EIPR1: variants seen among roughly 807,000 people sequenced by gnomAD.
The protein encoded by EIPR1 is EARP complex and GARP complex interacting protein 1.
In EIPR1, 25 loss-of-function variants were observed where a neutral mutation model predicts 48.1. That is an observed-to-expected ratio of 0.52 (90% CI 0.38 to 0.73). The LOEUF (loss-of-function observed/expected upper bound fraction) is 0.73, where lower values mean the gene tolerates loss of function less well. EIPR1 is among the 30% of genes least tolerant of loss of function. The probability of loss-of-function intolerance (pLI) is 0.00; values close to 1 mark genes in which losing one functional copy is unlikely to be tolerated. For synonymous variants in EIPR1, 204 were observed against 201.9 expected, an observed-to-expected ratio of 1.01 and a Z score of -0.09; for missense variants, 415 against 506.2, an observed-to-expected ratio of 0.82 and a Z score of 1.73.
At chr2:3,295,424 C>T (rs1572407639) in intron 3 of EIPR1, among the ~76,000 whole-genome samples, 1 of 130,978 alleles carries the variant, frequency 7.6e-6, no homozygotes, top group Non-Finnish European at 1.6e-5. Flanking sequence ...TCCAGCCCAT[C>T]CTCTCTGCAC....
intron 3 of EIPR1, among the ~76,000 whole-genome samples, chr2:3,296,442 C>A (rs1668599525): frequency 7.1e-6 from 1 of 141,638 alleles, no homozygotes; most frequent in Non-Finnish European, 1.5e-5. Flanking sequence ...CACCCTCCAT[C>A]CAGCCCATCC....
chr2:3,354,506 T>C (rs1670671108), intron 2 of EIPR1, 44 bp downstream of exon 2: 1 of 1,558,270 alleles, frequency 6.4e-7, no homozygotes, highest in Admixed American at 1.7e-5. Flanking sequence ...AAACTAAGAA[T>C]AGGCTTAGTA....
At chr2:3,269,638 ACACT>A (rs141535351) in intron 3 of EIPR1, among the ~76,000 whole-genome samples, 26 of 78,038 alleles carry the variant, frequency 3.3e-4, no homozygotes, top group Admixed American at 7.8e-4. Context: ...CTCAATCATC[ACACT>A]CAATCATCAC....
In EIPR1 at chr2:3,189,055, C is replaced by A; in HGVS notation, c.*279G>T. On this transcript the variant is annotated 3_prime_UTR_variant, in exon 9 of 9. Coordinates refer to ENST00000382125, the MANE Select transcript of EIPR1 (RefSeq NM_003310.5). This position sits in a 1 kb window ranked among gnomAD's most constrained non-coding sequence, Gnocchi z 4.6. ...CAGGAACAGACATTTTTTTAAAAAG[C>A]GAAACTCCTGACACCCTTAAAACAG... The A allele has an allele frequency of 3.3e-6, 1 of 304,618 alleles. No individual in the cohort carries two copies. Among genetic ancestry groups the A allele is most frequent in the South Asian group, 1.6e-4 (1 of 6,364 alleles). The allele number at this position is 304,618 out of a possible 1,614,324, so 18.9% of individuals were successfully genotyped here. A position where few individuals can be genotyped will look rare whatever the true frequency, so the allele number is the denominator to read the frequency against.
intron 3 of EIPR1, among the ~76,000 whole-genome samples, chr2:3,309,834 G>A (rs1024448353): frequency 1.3e-5 from 2 of 152,188 alleles, no homozygotes; most frequent in African/African-American, 4.8e-5. Flanking sequence ...TTCAAAGGAG[G>A]TAATCATGTG....
intron 3 of EIPR1, among the ~76,000 whole-genome samples, chr2:3,314,828 C>T (rs890454693): frequency 9.9e-5 from 15 of 152,016 alleles, no homozygotes; most frequent in African/African-American, 2.2e-4. Flanking sequence ...CATGCACCTG[C>T]GGATGCTCTC....
chr2:3,308,872 T>C (rs1669036120), intron 3 of EIPR1, among the ~76,000 whole-genome samples: 1 of 152,168 alleles, frequency 6.6e-6, no homozygotes, highest in South Asian at 2.1e-4. Flanking sequence ...TTGTCAACCT[T>C]GAAGTTTATA....
At chr2:3,289,102 C>T (rs528400145) in intron 3 of EIPR1, among the ~76,000 whole-genome samples, 1 of 152,340 alleles carries the variant, frequency 6.6e-6, no homozygotes, top group Admixed American at 6.5e-5. Context: ...CAGAACTGCT[C>T]TATTAATATC....
intron 1 of EIPR1, 118 bp downstream of exon 1, chr2:3,377,530 G>A: frequency 7.6e-7 from 1 of 1,310,352 alleles, no homozygotes; most frequent in Non-Finnish European, 1.1e-6. Flanking sequence ...GGGAACTAGG[G>A]AACAGACACG....
intron 1 of EIPR1, among the ~76,000 whole-genome samples, chr2:3,368,503 G>A (rs1195623679): frequency 6.6e-6 from 1 of 152,154 alleles, no homozygotes; most frequent in South Asian, 2.1e-4. Context: ...TTAGTCACAT[G>A]CCTGCCCCCA....
chr2:3,361,250 C>G (rs1475051301), intron 1 of EIPR1, among the ~76,000 whole-genome samples: 3 of 152,132 alleles, frequency 2.0e-5, no homozygotes, highest in Non-Finnish European at 2.9e-5. Context: ...ACCCTCACCT[C>G]CTCCATTTTG....
chr2:3,314,852 T>C (rs1392648773), intron 3 of EIPR1, among the ~76,000 whole-genome samples: 3 of 151,784 alleles, frequency 2.0e-5, no homozygotes, highest in Non-Finnish European at 4.4e-5. Context: ...TAGGCCTGAG[T>C]TGTGCCCCAC....
intron 3 of EIPR1, among the ~76,000 whole-genome samples, chr2:3,267,716 T>G (rs1009512843): frequency 2.6e-5 from 4 of 152,112 alleles, no homozygotes; most frequent in Non-Finnish European, 5.9e-5. Flanking sequence ...GCCAACATGC[T>G]GTGCCCATCG....
chr2:3,352,410 T>A (rs1475754561), intron 2 of EIPR1, among the ~76,000 whole-genome samples: 1 of 149,280 alleles, frequency 6.7e-6, no homozygotes, highest in African/African-American at 2.5e-5. Flanking sequence ...ATATCCATGC[T>A]ACAGAAGCTA....
chr2:3,265,729 A>T (rs1667466768), intron 3 of EIPR1, among the ~76,000 whole-genome samples: 1 of 152,200 alleles, frequency 6.6e-6, no homozygotes, highest in Non-Finnish European at 1.5e-5. Context: ...TGCCGACAGA[A>T]GTCAGAGAAC....
chr2:3,320,581 T>G (rs1003387148), intron 3 of EIPR1: 1 of 152,300 alleles, frequency 6.6e-6, no homozygotes, highest in African/African-American at 2.4e-5. Context: ...CAGTTTATGG[T>G]AAATAAGACT....
chr2:3,211,755 G>T (rs1665463986), intron 5 of EIPR1, among the ~76,000 whole-genome samples: 1 of 152,206 alleles, frequency 6.6e-6, no homozygotes, highest in African/African-American at 2.4e-5. Context: ...CAGAGGTGGA[G>T]CGAATCCTCA....
chr2:3,228,456 C>T lies in EIPR1; in HGVS notation c.417-14208G>A, dbSNP rs1208466653. ...TAAGTTGCTTTTGATTTTACAGATG[C>T]ATAGGCAGAAGGGACTTGCCTTGTC... is the stretch of plus-strand genomic sequence containing the variant. On this transcript the variant is annotated intron_variant, in intron 4 of 8. Transcript: ENST00000382125. Among the ~76,000 whole-genome samples, 8 of 152,220 alleles carry T rather than the reference C, an allele frequency of 5.3e-5. No homozygotes were observed. The South Asian group carries it at 8.3e-4, about 16-fold the overall frequency.
chr2:3,266,391 G>A (rs980237724), intron 3 of EIPR1, among the ~76,000 whole-genome samples: 5 of 152,208 alleles, frequency 3.3e-5, no homozygotes, highest in African/African-American at 9.6e-5. Context: ...GGTACGCCTC[G>A]GGGTGCACAA....
Sources: allele counts gnomAD v4.1 joint callset (sites outside exome capture counted in the v4.1 genomes callset), GRCh38; gene constraint gnomAD v4.1.1; non-coding constraint Gnocchi (gnomAD v3.1); transcripts MANE v1.5; gene names NCBI Gene and HGNC (gene_info 2026-07-23, HGNC 2026-07-21).